The following TMEM63C variants were observed in gnomAD, a reference collection of about 807,000 sequenced individuals.
TMEM63C encodes the protein transmembrane protein 63C, also known as osmosensitive cation channel TMEM63C.
A neutral mutation model predicts 99.2 loss-of-function variants in TMEM63C; 32 were observed. The observed-to-expected ratio is 0.32, with a 90% CI of 0.24 to 0.43. TMEM63C has a LOEUF of 0.43. TMEM63C is among the 20% of genes least tolerant of loss of function. The pLI, the probability that TMEM63C is intolerant of heterozygous loss-of-function variation, is 1.00. For synonymous variants in TMEM63C, 376 were observed against 397.9 expected (o/e 0.94, Z 0.66); for missense variants, 826 against 1,053.0 (o/e 0.78, Z 2.98).
At chr14:77,243,837 G>T (rs74063858) in intron 15 of TMEM63C, among the ~76,000 whole-genome samples, 3,242 of 151,910 alleles carry the variant, frequency 0.021, 107 homozygotes, top group African/African-American at 0.074. Context: ...GTCAACAGAC[G>T]TGTGCATGCA....
chr14:77,257,023 C>T lies in TMEM63C; in HGVS notation c.*297C>T, dbSNP rs1337728658. 5.6e-6 allele frequency: 2 copies of T among 354,506 alleles called. No homozygotes were observed. Among genetic ancestry groups the T allele is most frequent in the African/African-American group, 4.1e-5 (2 of 48,360 alleles). 22.0% of individuals were successfully genotyped at this position (354,506 alleles called of 1,614,324 possible). A position where few individuals can be genotyped will look rare whatever the true frequency, so the allele number is the denominator to read the frequency against. Reference sequence around the variant, plus strand: ...CGGCACAGAGACTGAACGCTGGGGTCCCTTCCTGGGACCAAGATGGAGAAG... The same window carrying T: ...CGGCACAGAGACTGAACGCTGGGGTTCCTTCCTGGGACCAAGATGGAGAAG... On this transcript the variant is annotated 3_prime_UTR_variant, in exon 24 of 24. Transcript: ENST00000298351.
rs889613571 is a variant in TMEM63C at position 77,205,942 on chromosome 14, T to C, written c.-76-7504T>C. ...CACTCTGGGCCTCAGCATCCTCATTTGTAAATGGGGACAGTTGCCACCTCT... is the reference window on the plus strand; with the variant it reads ...CACTCTGGGCCTCAGCATCCTCATTCGTAAATGGGGACAGTTGCCACCTCT... On this transcript the variant is annotated intron_variant, in intron 1 of 23. Coordinates refer to ENST00000298351, the MANE Select transcript of TMEM63C (RefSeq NM_020431.4). Among the ~76,000 whole-genome samples the C allele has an allele frequency of 2.9e-4, 44 of 152,182 alleles. 1 individual carries two copies. The highest frequency in any genetic ancestry group is 1.1e-3 in the African/African-American group (44 of 41,446).
chr14:77,210,325 G>A (rs1028984759), intron 1 of TMEM63C, among the ~76,000 whole-genome samples: 3 of 152,094 alleles, frequency 2.0e-5, no homozygotes, highest in Admixed American at 1.3e-4. Context: ...AAAACCCCCA[G>A]TTCTATCCCC....
chr14:77,234,085 A>G (rs380489), intron 8 of TMEM63C, among the ~76,000 whole-genome samples: 9,801 of 152,244 alleles, frequency 0.064, 409 homozygotes, highest in Admixed American at 0.1. Flanking sequence ...AACTTCAGCC[A>G]ACCTGACTGG....
At chr14:77,217,786 C>T (rs1165164880) in intron 2 of TMEM63C, among the ~76,000 whole-genome samples, 1 of 152,230 alleles carries the variant, frequency 6.6e-6, no homozygotes, top group Non-Finnish European at 1.5e-5. Flanking sequence ...AGGTCCTGGT[C>T]TCCCTAGTTC....
At chr14:77,234,536 T>C (rs936484467) in intron 8 of TMEM63C, among the ~76,000 whole-genome samples, 1 of 152,220 alleles carries the variant, frequency 6.6e-6, no homozygotes, top group African/African-American at 2.4e-5. Flanking sequence ...TGGAACATTC[T>C]GTAGAGACCA....
At chr14:77,203,620 C>A (rs1299842284) in intron 1 of TMEM63C, among the ~76,000 whole-genome samples, 1 of 152,242 alleles carries the variant, frequency 6.6e-6, no homozygotes, top group African/African-American at 2.4e-5. Flanking sequence ...GGATCTCCTC[C>A]ACCTGACTGT....
At chr14:77,187,570 G>A (rs748280689) in intron 1 of TMEM63C, among the ~76,000 whole-genome samples, 2 of 152,220 alleles carry the variant, frequency 1.3e-5, no homozygotes, top group Non-Finnish European at 2.9e-5. Context: ...TGTGCTGCAC[G>A]GAGCAGCCAG....
intron 7 of TMEM63C, among the ~76,000 whole-genome samples, 185 bp downstream of exon 7, chr14:77,231,915 C>T (rs1189011578): frequency 1.3e-5 from 2 of 152,214 alleles, no homozygotes; most frequent in Non-Finnish European, 2.9e-5. Context: ...ACGATTCCTC[C>T]TTTGTCACAG....
chr14:77,245,854 G>A (rs1889261381), intron 16 of TMEM63C, 86 bp from the exon 17 acceptor site: 4 of 980,402 alleles, frequency 4.1e-6, no homozygotes, highest in Non-Finnish European at 6.6e-6. Flanking sequence ...CCATATCAGT[G>A]TCTCTCTTCC....
Position 77,202,756 on chromosome 14 carries a change from G to A in TMEM63C, c.-76-10690G>A, listed in dbSNP as rs116058303. On this transcript the variant is annotated intron_variant, in intron 1 of 23. Transcript: ENST00000298351. ...TGCTTCCACGTGGACATGCATTTTG[G>A]GAGGATACTGTTCAACCCAGTAGCG... 5.9e-3 allele frequency among the ~76,000 whole-genome samples: 893 copies of A among 151,904 alleles called. 14 individuals carry two copies. The highest frequency in any genetic ancestry group is 0.021 in the African/African-American group (858 of 41,400).
At chr14:77,226,767 AT>A (rs10709163) in intron 6 of TMEM63C, among the ~76,000 whole-genome samples, 69,053 of 129,084 alleles carry the variant, frequency 0.53, 19,133 homozygotes, top group Middle Eastern at 0.64. Context: ...ATCAGTTGGG[AT>A]TTTTTTTTTT....
chr14:77,245,341 AG>A (rs917533571), intron 16 of TMEM63C, among the ~76,000 whole-genome samples: 79 of 152,304 alleles, frequency 5.2e-4, no homozygotes, highest in African/African-American at 1.8e-3. Context: ...TGGTGTATGG[AG>A]ATGGCATCGG....
chr14:77,182,158 T>G (rs1447488828), intron 1 of TMEM63C, among the ~76,000 whole-genome samples: 1 of 151,994 alleles, frequency 6.6e-6, no homozygotes, highest in African/African-American at 2.4e-5. Flanking sequence ...CGGTCTTCAC[T>G]GGGTTGGGGG....
chr14:77,214,368 C>T lies in TMEM63C; in HGVS notation c.-14+860C>T, dbSNP rs727921. 4.3e-3 allele frequency among the ~76,000 whole-genome samples: 654 copies of T among 152,144 alleles called. 36 individuals carry two copies. The East Asian group carries it at 0.096, about 22-fold the overall frequency. ...GCGTTGGAGCTGAGATTCAGTGGCACGGAACCTGTAATCCCCAGAAGCATC... is the reference window on the plus strand; with the variant it reads ...GCGTTGGAGCTGAGATTCAGTGGCATGGAACCTGTAATCCCCAGAAGCATC... On this transcript the variant is annotated intron_variant, in intron 2 of 23. Coordinates refer to ENST00000298351, the MANE Select transcript of TMEM63C (RefSeq NM_020431.4).
At chr14:77,242,144 C>G (rs1454196500) in intron 13 of TMEM63C, among the ~76,000 whole-genome samples, 1 of 152,230 alleles carries the variant, frequency 6.6e-6, no homozygotes, top group Non-Finnish European at 1.5e-5. Context: ...CTCAAATGCC[C>G]TTTCCTCCAG....
At chr14:77,256,443 G>A (rs1889462001) in intron 23 of TMEM63C, 83 bp from the exon 24 acceptor site, 10 of 1,371,838 alleles carry the variant, frequency 7.3e-6, no homozygotes, top group Non-Finnish European at 6.1e-6. Context: ...GGCGATGGGG[G>A]TGGGGCATGA....
chr14:77,215,582 CAG>C (rs1888564867), intron 2 of TMEM63C, among the ~76,000 whole-genome samples: 1 of 73,648 alleles, frequency 1.4e-5, no homozygotes, highest in East Asian at 9.3e-4. Flanking sequence ...GCCTAAGCGA[CAG>C]AGTGAGACTC....
chr14:77,234,230 C>T (rs1888996107), intron 8 of TMEM63C, among the ~76,000 whole-genome samples: 1 of 152,056 alleles, frequency 6.6e-6, no homozygotes, highest in Non-Finnish European at 1.5e-5. Context: ...GGTTCACACA[C>T]CCCTGCCCCA....
Sources: allele counts gnomAD v4.1 joint callset (sites outside exome capture counted in the v4.1 genomes callset), GRCh38; gene constraint gnomAD v4.1.1; transcripts MANE v1.5; gene names NCBI Gene and HGNC (gene_info 2026-07-23, HGNC 2026-07-21).